Variants in CFAP70 observed in about 807,000 individuals in gnomAD.
CFAP70 encodes the protein cilia and flagella associated protein 70.
Under a neutral mutation model 137.6 loss-of-function variants are expected in CFAP70, and 81 were observed. The observed-to-expected ratio is 0.59, with a 90% CI of 0.49 to 0.71. The LOEUF is 0.71. Among genes scored for constraint, CFAP70 ranks in the 30% least tolerant of loss-of-function variants. CFAP70 has a pLI of 0.00. For missense variants in CFAP70, 976 were observed against 1,226.7 expected, an observed-to-expected ratio of 0.80 and a Z score of 3.05; for synonymous variants, 382 against 423.6, an observed-to-expected ratio of 0.90 and a Z score of 1.20.
At chr10:73,303,981 C>A (rs191034231) in intron 12 of CFAP70, among the ~76,000 whole-genome samples, 2 of 152,050 alleles carry the variant, frequency 1.3e-5, no homozygotes, top group Non-Finnish European at 2.9e-5. Flanking sequence ...CTATTTAATG[C>A]GGCCTTCCTT....
At chr10:73,325,607 A>T (rs2051330081) in intron 8 of CFAP70, among the ~76,000 whole-genome samples, 1 of 152,188 alleles carries the variant, frequency 6.6e-6, no homozygotes, top group Admixed American at 6.5e-5. Context: ...ACGTGCAGGG[A>T]CACACATAGG....
intron 23 of CFAP70, among the ~76,000 whole-genome samples, chr10:73,273,561 C>G (rs1253456641): frequency 6.6e-6 from 1 of 152,192 alleles, no homozygotes; most frequent in African/African-American, 2.4e-5. Context: ...ATAGCTGAGC[C>G]TCAGCAAACA....
At position 73,275,433 on chromosome 10, in the gene CFAP70, CAA is replaced by C. The variant is rs2131740437; in HGVS notation, c.2673+11_2673+12del. ...CTTCTCCAGACTCAAGAGGCTTTAG[CAA>C]AAGTCATTACCAGGTAGTCCATCTG... On this transcript the variant is annotated intron_variant, in intron 22 of 26. Coordinates refer to ENST00000310715, the Ensembl canonical transcript of CFAP70. This position sits in a 1 kb window ranked among gnomAD's most constrained non-coding sequence, Gnocchi z 4.0. 6.3e-7 allele frequency: 1 copy of C among 1,580,288 alleles called. No individual in the cohort carries two copies. Among genetic ancestry groups the C allele is most frequent in the Non-Finnish European group, 8.6e-7 (1 of 1,166,212 alleles).
chr10:73,292,964 C>G (rs542894931), intron 16 of CFAP70, among the ~76,000 whole-genome samples: 1 of 152,222 alleles, frequency 6.6e-6, no homozygotes, highest in African/African-American at 2.4e-5. Context: ...TTACATCTTA[C>G]ATTTAGATAT....
intron 26 of CFAP70, among the ~76,000 whole-genome samples, chr10:73,256,049 G>A (rs1001019591): frequency 6.6e-6 from 1 of 152,176 alleles, no homozygotes; most frequent in Middle Eastern, 3.4e-3. Context: ...CATATTACAC[G>A]AGGAAAATGA....
At chr10:73,361,764 A>C (rs1157263173), upstream of CFAP70, among the ~76,000 whole-genome samples, 1 of 152,222 alleles carries the variant, frequency 6.6e-6, no homozygotes, top group African/African-American at 2.4e-5. Context: ...TCCAAAGTCA[A>C]CATATTTCTG....
intron 19 of CFAP70, chr10:73,279,303 T>A (rs2047063348): frequency 6.6e-6 from 1 of 151,336 alleles, no homozygotes; most frequent in Non-Finnish European, 1.5e-5. Context: ...GGTGGGCAGA[T>A]CATGAGGTCA....
intron 9 of CFAP70, among the ~76,000 whole-genome samples, chr10:73,320,916 C>T (rs1330215091): frequency 6.6e-6 from 1 of 152,120 alleles, no homozygotes; most frequent in Non-Finnish European, 1.5e-5. Context: ...ATCCGCCCGC[C>T]TCGGCCTCCT....
Position 73,291,299 on chromosome 10 carries a change from CT to C in CFAP70, c.2165del (p.Lys722ArgfsTer6). On this transcript the variant is annotated frameshift_variant, in exon 19 of 27. Coordinates refer to ENST00000310715, the Ensembl canonical transcript of CFAP70. LOFTEE classifies it high-confidence loss of function. Reference sequence around the variant, plus strand: ...CCCAAGGGCCTAAACTAGATTCTCTCTTCCCTCTTTCCTCAGTGTCTTCTAC... The same window carrying C: ...CCCAAGGGCCTAAACTAGATTCTCTCTCCCTCTTTCCTCAGTGTCTTCTAC... 6.2e-7 allele frequency: 1 copy of C among 1,614,050 alleles called. No individual in the cohort carries two copies. Among genetic ancestry groups the C allele is most frequent in the Non-Finnish European group, 8.5e-7 (1 of 1,179,884 alleles).
At chr10:73,277,107 C>T in intron 21 of CFAP70, 133 bp downstream of exon 22, 1 of 1,181,432 alleles carries the variant, frequency 8.5e-7, no homozygotes, top group Non-Finnish European at 1.2e-6. Context: ...TTCCATTGGG[C>T]TTAAAGTATG....
In CFAP70 at chr10:73,291,772, A is replaced by C; in HGVS notation, c.1905-17T>G. On this transcript the variant is annotated splice_polypyrimidine_tract_variant and intron_variant, in intron 17 of 26. Coordinates refer to ENST00000310715, the Ensembl canonical transcript of CFAP70. ...AGCAACAAGCTGAGAAAAGATCACCAACATGATTAACAACACGGTCCCATG... is the reference window on the plus strand; with the variant it reads ...AGCAACAAGCTGAGAAAAGATCACCCACATGATTAACAACACGGTCCCATG... 1 of 1,613,936 alleles carries C rather than the reference A, an allele frequency of 6.2e-7. No homozygotes were observed. The highest frequency in any genetic ancestry group is 8.5e-7 in the Non-Finnish European group (1 of 1,179,778).
At chr10:73,340,480 C>T (rs1435050999) in intron 6 of CFAP70, among the ~76,000 whole-genome samples, 1 of 152,234 alleles carries the variant, frequency 6.6e-6, no homozygotes, top group Non-Finnish European at 1.5e-5. Flanking sequence ...AGCAGCCTGG[C>T]CCCCAGACCT....
At position 73,358,088 on chromosome 10, in the gene CFAP70, TAA is replaced by T. The variant is rs1434098998; in HGVS notation, c.-40+624_-40+625del. Among the ~76,000 whole-genome samples, 3 of 152,316 alleles carry T rather than the reference TAA, an allele frequency of 2.0e-5. No homozygotes were observed. The East Asian group carries it at 5.8e-4, about 29-fold the overall frequency. The stretch of plus-strand genomic sequence containing the variant: ...TTTCACATTTATTGTGAATATCCCC[TAA>T]GATATTAAAGCTTTTTAAGTATGAA... On this transcript the variant is annotated intron_variant, in intron 1 of 26. Transcript: ENST00000310715.
At chr10:73,337,559 G>A (rs1742835655) in intron 6 of CFAP70, among the ~76,000 whole-genome samples, 1 of 152,082 alleles carries the variant, frequency 6.6e-6, no homozygotes, top group Non-Finnish European at 1.5e-5. Flanking sequence ...TACTAGTTCT[G>A]AAAATAACAA....
chr10:73,311,716 A>T, intron 11 of CFAP70, 118 bp downstream of exon 12: 1 of 859,440 alleles, frequency 1.2e-6, no homozygotes, highest in Non-Finnish European at 1.9e-6. Flanking sequence ...ACAACTAGTC[A>T]TGGGCAAATA....
At position 73,275,707 on chromosome 10, in the gene CFAP70, G is replaced by T; in HGVS notation, c.2521-109C>A. Reference sequence around the variant, plus strand: ...AATAATACGAAATGTATTACAGAATGAAATAATTATCCTCAACTTCAAAAG... The same window carrying T: ...AATAATACGAAATGTATTACAGAATTAAATAATTATCCTCAACTTCAAAAG... On this transcript the variant is annotated intron_variant, in intron 21 of 26. Transcript: ENST00000310715. This position sits in a 1 kb window ranked among gnomAD's most constrained non-coding sequence, Gnocchi z 4.0. The T allele has an allele frequency of 1.0e-6, 1 of 986,484 alleles. No individual in the cohort carries two copies. Among genetic ancestry groups the T allele is most frequent in the Non-Finnish European group, 1.4e-6 (1 of 711,814 alleles). The allele number at this position is 986,484 out of a possible 1,614,324, so 61.1% of individuals were successfully genotyped here.
chr10:73,360,072 C>T (rs1375102775), upstream of CFAP70, among the ~76,000 whole-genome samples: 1 of 152,132 alleles, frequency 6.6e-6, no homozygotes, highest in Non-Finnish European at 1.5e-5. Flanking sequence ...GAAAGGAAAA[C>T]AACATTGTTA....
chr10:73,271,715 G>A (rs148981908), intron 24 of CFAP70, among the ~76,000 whole-genome samples: 90 of 152,112 alleles, frequency 5.9e-4, no homozygotes, highest in Admixed American at 5.9e-4. Flanking sequence ...TATTTTTAGA[G>A]GTGAGGTTTT....
intron 25 of CFAP70, among the ~76,000 whole-genome samples, chr10:73,260,988 C>T (rs1197124814): frequency 6.6e-6 from 1 of 152,190 alleles, no homozygotes; most frequent in Admixed American, 6.5e-5. Context: ...ATTGCTGGCA[C>T]ATATGGTAAA....
Sources: allele counts gnomAD v4.1 joint callset (sites outside exome capture counted in the v4.1 genomes callset), GRCh38; gene constraint gnomAD v4.1.1; non-coding constraint Gnocchi (gnomAD v3.1); transcripts MANE v1.5; gene names NCBI Gene and HGNC (gene_info 2026-07-23, HGNC 2026-07-21).